The following ANKRD11 variants were observed in gnomAD, a reference collection of about 807,000 sequenced individuals.
ANKRD11 encodes ankyrin repeat domain 11.
A neutral mutation model predicts 195.7 loss-of-function variants in ANKRD11; 17 were observed. That is an observed-to-expected ratio of 0.09 (90% CI 0.06 to 0.13). The LOEUF (loss-of-function observed/expected upper bound fraction) is 0.13, where lower values mean the gene tolerates loss of function less well. ANKRD11 is among the 10% of genes least tolerant of loss of function. The probability of loss-of-function intolerance (pLI) is 1.00; values close to 1 mark genes in which losing one functional copy is unlikely to be tolerated. For synonymous variants in ANKRD11, 1,953 were observed against 1,528.1 expected (o/e 1.28, Z -6.49); for missense variants, 3,735 against 3,566.1 (o/e 1.05, Z -1.21).
intron 2 of ANKRD11, among the ~76,000 whole-genome samples, chr16:89,317,459 C>T (rs531557684): frequency 2.0e-5 from 3 of 152,326 alleles, no homozygotes; most frequent in Admixed American, 2.0e-4. Context: ...CCCCGCATTA[C>T]AGGCAAGGTC....
At chr16:89,363,389 T>C (rs1347158132) in intron 2 of ANKRD11, among the ~76,000 whole-genome samples, 2 of 152,020 alleles carry the variant, frequency 1.3e-5, no homozygotes, top group African/African-American at 4.8e-5. Flanking sequence ...GACGAGTTAA[T>C]GGGTGCAGCA....
chr16:89,454,349 T>C (rs1219424783), intron 1 of ANKRD11, among the ~76,000 whole-genome samples: 1 of 152,054 alleles, frequency 6.6e-6, no homozygotes, highest in South Asian at 2.1e-4. Context: ...CCGACCCACA[T>C]GGGCACAGAA....
rs563304153 is a variant in ANKRD11 at position 89,441,684 on chromosome 16, A to G, written c.-144-23316T>C. Among the ~76,000 whole-genome samples the G allele has an allele frequency of 4.3e-3, 612 of 143,586 alleles. 5 individuals are homozygous for G. The highest frequency in any genetic ancestry group is 0.021 in the Middle Eastern group (6 of 280). 94.2% of individuals were successfully genotyped at this position (143,586 alleles called of 152,430 possible). A position where few individuals can be genotyped will look rare whatever the true frequency, so the allele number is the denominator to read the frequency against. On this transcript the variant is annotated intron_variant, in intron 1 of 12. Transcript: ENST00000301030. Reference sequence around the variant, plus strand: ...CGGGAGGCTGAGGCAGGAGAATGGCATGAACCCAGGAGGCGGACTATGCAG... The same window carrying G: ...CGGGAGGCTGAGGCAGGAGAATGGCGTGAACCCAGGAGGCGGACTATGCAG...
intron 4 of ANKRD11, chr16:89,299,150 TG>T (rs1211845402): frequency 6.5e-6 from 1 of 154,666 alleles, no homozygotes; most frequent in Non-Finnish European, 1.4e-5. Flanking sequence ...AGAGTCAGGC[TG>T]TGGCAGGGGC....
chr16:89,404,620 G>C (rs1449007057), intron 2 of ANKRD11, among the ~76,000 whole-genome samples: 1 of 152,174 alleles, frequency 6.6e-6, no homozygotes, highest in South Asian at 2.1e-4. Context: ...CCTAGGTCAG[G>C]AGAAGACAGA....
At chr16:89,288,696 GTTAT>G (rs774053570) in intron 6 of ANKRD11, 26 bp from the exon 7 acceptor site, 44 of 1,613,718 alleles carry the variant, frequency 2.7e-5, no homozygotes, top group Non-Finnish European at 3.6e-5. Flanking sequence ...CAGGACGTAC[GTTAT>G]TTAATCCTCA....
intron 1 of ANKRD11, among the ~76,000 whole-genome samples, chr16:89,473,438 C>T (rs1407375803): frequency 1.3e-5 from 2 of 152,204 alleles, no homozygotes; most frequent in South Asian, 2.1e-4. Flanking sequence ...TCACCTCATC[C>T]TCACCATAAG....
At position 89,284,447 on chromosome 16, in the gene ANKRD11, T is replaced by C; in HGVS notation, c.2095A>G (p.Lys699Glu). The C allele has an allele frequency of 7.4e-6, 12 of 1,613,636 alleles. No individual in the cohort carries two copies. The highest frequency in any genetic ancestry group is 1.3e-5 in the African/African-American group (1 of 74,980). The change falls in exon 9 of 13, where the codon AAA becomes GAA. Residue 699 changes from lysine (K) to glutamate (E), a missense_variant. Physicochemically the swap from Lys to Glu is moderately conservative, Grantham distance 56 (BLOSUM62 1). Coordinates refer to ENST00000301030, the MANE Select transcript of ANKRD11 (RefSeq NM_013275.6). Reference sequence around the variant, plus strand: ...TCTTCTAATTTCATTTTGCTAAGTTTCTCTTCTTTTTTAAAGTGGTCGCGA... The same window carrying C: ...TCTTCTAATTTCATTTTGCTAAGTTCCTCTTCTTTTTTAAAGTGGTCGCGA... ...HDRDHFKKEE[K>E]LSKMKLEEKE...
Position 89,480,128 on chromosome 16 carries a change from T to G in ANKRD11, c.-145+10117A>C, listed in dbSNP as rs181531702. Among the ~76,000 whole-genome samples, 191 of 146,522 alleles carry G rather than the reference T, an allele frequency of 1.3e-3. 1 individual carries two copies. Among genetic ancestry groups the G allele is most frequent in the African/African-American group, 4.6e-3 (182 of 39,610 alleles). On this transcript the variant is annotated intron_variant, in intron 1 of 12. Coordinates refer to ENST00000301030, the MANE Select transcript of ANKRD11 (RefSeq NM_013275.6). Reference sequence around the variant, plus strand: ...TCAGTCTCAAAAAAAAAAAATTAAGTCTTTCCTGCCAAGTATTATTGCCTT... The same window carrying G: ...TCAGTCTCAAAAAAAAAAAATTAAGGCTTTCCTGCCAAGTATTATTGCCTT...
rs1357592926 is a variant in ANKRD11 at position 89,442,714 on chromosome 16, T to C, written c.-144-24346A>G. Reference sequence around the variant, plus strand: ...TTTCCTCCCCACCACCCACCAGGAATGTTGCTGGAACCCAGACACGCACAG... The same window carrying C: ...TTTCCTCCCCACCACCCACCAGGAACGTTGCTGGAACCCAGACACGCACAG... On this transcript the variant is annotated intron_variant, in intron 1 of 12. Transcript: ENST00000301030. Among the ~76,000 whole-genome samples, 3 of 152,208 alleles carry C rather than the reference T, an allele frequency of 2.0e-5. No individual in the cohort carries two copies. In the East Asian group the frequency reaches 5.8e-4, roughly 29 times the overall value.
At chr16:89,341,404 G>C (rs1011095455) in intron 2 of ANKRD11, among the ~76,000 whole-genome samples, 2 of 152,202 alleles carry the variant, frequency 1.3e-5, no homozygotes, top group African/African-American at 4.8e-5. Flanking sequence ...GGAGGGATAA[G>C]GCCCCAACGT....
intron 9 of ANKRD11, among the ~76,000 whole-genome samples, chr16:89,277,108 G>A (rs2033722424): frequency 6.6e-6 from 1 of 151,166 alleles, no homozygotes; most frequent in African/African-American, 2.4e-5. Flanking sequence ...CTAGTCCACA[G>A]ACCTCACTCT....
rs2151754144 is a variant in ANKRD11 at position 89,282,924 on chromosome 16, C to T, written c.3618G>A (p.Lys1206=). Residue 1206 remains lysine (K), a synonymous_variant, in exon 9 of 13, where the codon AAG becomes AAA. Transcript: ENST00000301030. ...CTGTGGACTCTTTATCCTTCTTCTC[C>T]TTGTGCTTTTCAAAGACTTTCTCTT... ...DKKEKVFEKH[K]EKKDKESTEK... is the part of the protein sequence containing the mutation. 1 of 1,613,186 alleles carries T rather than the reference C, an allele frequency of 6.2e-7. No homozygotes were observed. The highest frequency in any genetic ancestry group is 8.5e-7 in the Non-Finnish European group (1 of 1,179,948).
At position 89,281,973 on chromosome 16, in the gene ANKRD11, C is replaced by G. The variant is rs760134298; in HGVS notation, c.4569G>C (p.Pro1523=). ...CCTTCAGTTTGGCATCGCCGAGCCTCGGGCCCTCGTCCCTGGACTTGTCTT... is the reference window on the plus strand; with the variant it reads ...CCTTCAGTTTGGCATCGCCGAGCCTGGGGCCCTCGTCCCTGGACTTGTCTT... ...VLKDKSRDEG[P]RLGDAKLKEK... is the part of the protein sequence containing the mutation. The change falls in exon 9 of 13, where the codon CCG becomes CCC. Residue 1523 remains proline, a synonymous_variant. Transcript: ENST00000301030. The surrounding 1 kb of genome is among the most constrained non-coding windows in gnomAD (Gnocchi z 5.5). 3 of 1,612,934 alleles carry G rather than the reference C, an allele frequency of 1.9e-6. No individual in the cohort carries two copies. Among genetic ancestry groups the G allele is most frequent in the Non-Finnish European group, 2.5e-6 (3 of 1,180,038 alleles).
At chr16:89,317,200 G>A in intron 2 of ANKRD11, 122 bp from the exon 3 acceptor site, 1 of 764,382 alleles carries the variant, frequency 1.3e-6, no homozygotes, top group East Asian at 2.7e-5. Flanking sequence ...GATCAGGGCT[G>A]GGGCCCGGGC....
chr16:89,304,502 GCATACACAGGCACA>G (rs1318195621), intron 4 of ANKRD11, among the ~76,000 whole-genome samples: 1 of 150,238 alleles, frequency 6.7e-6, no homozygotes, highest in Non-Finnish European at 1.5e-5. Context: ...AGACGGGCAC[GCATACACAGGCACA>G]CATACAGGCA....
chr16:89,441,997 C>G (rs2043528876), intron 1 of ANKRD11, among the ~76,000 whole-genome samples: 1 of 152,164 alleles, frequency 6.6e-6, no homozygotes, highest in Non-Finnish European at 1.5e-5. Flanking sequence ...AATTAAAAAT[C>G]CTTGTACTGA....
chr16:89,407,809 C>T (rs1006233105), intron 2 of ANKRD11, among the ~76,000 whole-genome samples: 1 of 145,056 alleles, frequency 6.9e-6, no homozygotes, highest in African/African-American at 2.6e-5. Context: ...GTGATCCGGC[C>T]ACTGCACTCC....
chr16:89,423,933 A>G (rs571471078), intron 1 of ANKRD11, among the ~76,000 whole-genome samples: 21 of 152,290 alleles, frequency 1.4e-4, no homozygotes, highest in Admixed American at 1.1e-3. Context: ...ATCAAAACTT[A>G]AGCGGGTAAG....
Sources: gnomAD v4.1 joint callset for allele counts (sites outside exome capture counted in the v4.1 genomes callset) on GRCh38, gnomAD v4.1.1 for gene constraint, Gnocchi (gnomAD v3.1) non-coding constraint, MANE v1.5 for transcripts, NCBI Gene and HGNC (gene_info 2026-07-23, HGNC 2026-07-21) for gene names.